Variants in TXNDC5 observed in about 807,000 individuals in gnomAD.
The protein encoded by TXNDC5 is thioredoxin domain containing 5, also known as thioredoxin domain-containing protein 5.
Under a neutral mutation model 52.6 loss-of-function variants are expected in TXNDC5, and 44 were observed. The observed-to-expected ratio is 0.84, with a 90% CI of 0.66 to 1.08. The LOEUF is 1.08. Among genes scored for constraint, TXNDC5 ranks in the 50% least tolerant of loss-of-function variants. TXNDC5 has a pLI of 0.00. For missense variants in TXNDC5, 600 were observed against 565.5 expected, an observed-to-expected ratio of 1.06 and a Z score of -0.62; for synonymous variants, 241 against 234.4, an observed-to-expected ratio of 1.03 and a Z score of -0.26.
intron 1 of TXNDC5, chr6:7,909,783 A>T (rs1561817741): frequency 1.0e-6 from 1 of 985,932 alleles, no homozygotes; most frequent in East Asian, 1.1e-4. Context: ...TTCCTATCCC[A>T]CAAAAGACGC....
At chr6:7,896,693 A>T (rs1760380130) in intron 3 of TXNDC5, among the ~76,000 whole-genome samples, 1 of 152,230 alleles carries the variant, frequency 6.6e-6, no homozygotes, top group Non-Finnish European at 1.5e-5. Flanking sequence ...GGTGCACATA[A>T]GGTGAAATAA....
At chr6:7,899,709 A>G in intron 2 of TXNDC5, 28 bp from the exon 3 acceptor site, 6 of 1,587,064 alleles carry the variant, frequency 3.8e-6, no homozygotes, top group Non-Finnish European at 5.2e-6. Context: ...GATTAGACAG[A>G]GCAAAAAGAA....
chr6:7,894,965 C>T, intron 4 of TXNDC5, 141 bp downstream of exon 4: 1 of 1,431,018 alleles, frequency 7.0e-7, no homozygotes, highest in Non-Finnish European at 9.2e-7. Flanking sequence ...AACAACGGTC[C>T]CAACAGCTCC....
In TXNDC5 at chr6:7,883,190, T is replaced by TC; in HGVS notation, c.1252dup (p.Asp418GlyfsTer83). Reference sequence around the variant, plus strand: ...GCTCAGGACAAAGCGGTGTAACGAGTCAAGGTCTCTGCCTCCACTGTGCTC... The same window carrying TC: ...GCTCAGGACAAAGCGGTGTAACGAGTCCAAGGTCTCTGCCTCCACTGTGCTC... On this transcript the variant is annotated frameshift_variant, in exon 10 of 10. Coordinates refer to ENST00000379757, the MANE Select transcript of TXNDC5 (RefSeq NM_030810.5). LOFTEE classifies it high-confidence loss of function. The TC allele has an allele frequency of 6.2e-7, 1 of 1,614,082 alleles. No homozygotes were observed. The highest frequency in any genetic ancestry group is 8.5e-7 in the Non-Finnish European group (1 of 1,180,002).
intron 1 of TXNDC5, among the ~76,000 whole-genome samples, chr6:7,906,722 A>G (rs1760748811): frequency 6.6e-6 from 1 of 151,958 alleles, no homozygotes; most frequent in South Asian, 2.1e-4. Flanking sequence ...ACTTCTGTAG[A>G]TTCAACAAAG....
chr6:7,907,837 C>T (rs969530567), intron 1 of TXNDC5, among the ~76,000 whole-genome samples: 2 of 152,182 alleles, frequency 1.3e-5, no homozygotes, highest in South Asian at 2.1e-4. Context: ...CCATTTGACT[C>T]GCCGCCCACT....
intron 3 of TXNDC5, among the ~76,000 whole-genome samples, chr6:7,895,612 G>A (rs941797744): frequency 2.6e-5 from 4 of 152,212 alleles, no homozygotes; most frequent in African/African-American, 9.7e-5. Context: ...GTATTCTGAA[G>A]GGGTCAGCAC....
intron 1 of TXNDC5, among the ~76,000 whole-genome samples, chr6:7,905,218 C>T (rs977894977): frequency 2.0e-5 from 3 of 152,198 alleles, no homozygotes; most frequent in Non-Finnish European, 4.4e-5. Flanking sequence ...CCTGACTCCC[C>T]GGGCTGTTCA....
intron 1 of TXNDC5, among the ~76,000 whole-genome samples, chr6:7,907,237 T>A (rs975402273): frequency 2.6e-4 from 39 of 151,824 alleles, no homozygotes; most frequent in African/African-American, 9.4e-4. Context: ...TGTGGTGCGC[T>A]AAATCAAAAC....
chr6:7,904,755 G>A (rs1208419780), intron 1 of TXNDC5, 32 bp from the exon 2 acceptor site: 3 of 1,613,932 alleles, frequency 1.9e-6, no homozygotes, highest in Non-Finnish European at 8.5e-7. Context: ...AGCACATTGA[G>A]TATCAGGTCA....
chr6:7,885,331 C>A (rs774641498), intron 8 of TXNDC5, among the ~76,000 whole-genome samples: 15 of 152,152 alleles, frequency 9.9e-5, no homozygotes, highest in Admixed American at 2.0e-4. Flanking sequence ...CATTTTTCAG[C>A]TGAGGGAACT....
In TXNDC5 at chr6:7,882,153, C is replaced by G. The variant is rs914319199; in HGVS notation, c.*991G>C. 2.6e-5 allele frequency: 4 copies of G among 152,610 alleles called. No homozygotes were observed. The highest frequency in any genetic ancestry group is 9.7e-5 in the African/African-American group (4 of 41,434). 9.5% of individuals were successfully genotyped at this position (152,610 alleles called of 1,614,324 possible). A position where few individuals can be genotyped will look rare whatever the true frequency, so the allele number is the denominator to read the frequency against. On this transcript the variant is annotated 3_prime_UTR_variant, in exon 10 of 10. Coordinates refer to ENST00000379757, the MANE Select transcript of TXNDC5 (RefSeq NM_030810.5). ...GAAGCAGACCAAGTATAGCAAGCCTCTAAAAGGACTACTGAGAAACAGAAT... is the reference window on the plus strand; with the variant it reads ...GAAGCAGACCAAGTATAGCAAGCCTGTAAAAGGACTACTGAGAAACAGAAT...
chr6:7,883,294 A>AAACCAGC, intron 9 of TXNDC5, 28 bp from the exon 10 acceptor site: 5 of 1,613,756 alleles, frequency 3.1e-6, no homozygotes, highest in Non-Finnish European at 4.2e-6. Flanking sequence ...AAAAGTTTGC[A>AAACCAGC]AACCAGCGGT....
rs1449356216 is a variant in TXNDC5 at position 7,910,368 on chromosome 6, C to T, written c.263+146G>A. The T allele has an allele frequency of 2.4e-5, 25 of 1,026,832 alleles. No homozygotes were observed. The East Asian group carries it at 8.8e-4, about 36-fold the overall frequency. The allele number at this position is 1,026,832 out of a possible 1,614,324, so 63.6% of individuals were successfully genotyped here. A position where few individuals can be genotyped will look rare whatever the true frequency, so the allele number is the denominator to read the frequency against. ...TATTACACCCCGCACCCCTGAGCCC[C>T]GAGCCCCGCGCCCGTAGCACGCACG... On this transcript the variant is annotated intron_variant, in intron 1 of 9. Transcript: ENST00000379757.
chr6:7,890,418 A>G (rs1003954350), intron 5 of TXNDC5, among the ~76,000 whole-genome samples: 3 of 152,198 alleles, frequency 2.0e-5, no homozygotes, highest in Non-Finnish European at 4.4e-5. Context: ...TTAAGGGTCC[A>G]GTGTAACCCA....
chr6:7,904,687 A>C lies in TXNDC5; in HGVS notation c.300T>G (p.Asn100Lys). The C allele has an allele frequency of 6.2e-7, 1 of 1,614,208 alleles. No individual in the cohort carries two copies. The highest frequency in any genetic ancestry group is 1.6e-4 in the Middle Eastern group (1 of 6,062). ...GHCQRLQPTWNDLGDKYNSME... is the reference protein window; with the variant it reads ...GHCQRLQPTWKDLGDKYNSME... ...TGCTGTTGTATTTGTCTCCCAGGTC[A>C]TTCCAAGTCGGCTGCAGCCGCTGGC... Residue 100 changes from asparagine (N) to lysine (K), a missense_variant, in exon 2 of 10, where the codon AAT (asparagine) becomes AAG (lysine). Asn to Lys is a moderately conservative substitution (Grantham distance 94). Transcript: ENST00000379757.
intron 4 of TXNDC5, among the ~76,000 whole-genome samples, chr6:7,894,214 G>A (rs570756035): frequency 2.0e-5 from 3 of 151,922 alleles, no homozygotes; most frequent in Admixed American, 1.3e-4. Context: ...GACCTTCCAG[G>A]CTCAAGTGAT....
Position 7,884,514 on chromosome 6 carries a change from G to C in TXNDC5, c.1047-26C>G, listed in dbSNP as rs375993199. On this transcript the variant is annotated intron_variant, in intron 8 of 9. Transcript: ENST00000379757. ...CTAAGACGAGAAAAATGGCAGCTTC[G>C]TTGAAATCCTGGGTCGAGATCATTC... 3 of 1,613,406 alleles carry C rather than the reference G, an allele frequency of 1.9e-6. No individual in the cohort carries two copies. The African/African-American group carries it at 4.0e-5, about 22-fold the overall frequency.
At chr6:7,890,700 A>C (rs1760161559) in intron 5 of TXNDC5, among the ~76,000 whole-genome samples, 1 of 152,198 alleles carries the variant, frequency 6.6e-6, no homozygotes, top group Non-Finnish European at 1.5e-5. Flanking sequence ...GCAACAGTGA[A>C]ATATCCATTT....
Sources: allele counts gnomAD v4.1 joint callset (sites outside exome capture counted in the v4.1 genomes callset), GRCh38; gene constraint gnomAD v4.1.1; transcripts MANE v1.5; gene names NCBI Gene and HGNC (gene_info 2026-07-23, HGNC 2026-07-21).